SLC12A6: variants seen among roughly 807,000 people sequenced by gnomAD.
SLC12A6 encodes K-Cl cotransporter 3.
Under a neutral mutation model 135.3 loss-of-function variants are expected in SLC12A6, and 66 were observed. The observed-to-expected ratio is 0.49, with a 90% CI of 0.40 to 0.60. SLC12A6 has a LOEUF of 0.60. Among genes scored for constraint, SLC12A6 ranks in the 20% least tolerant of loss-of-function variants. The pLI is 0.00. For synonymous variants in SLC12A6, 513 were observed against 508.8 expected, an observed-to-expected ratio of 1.01 and a Z score of -0.11; for missense variants, 1,058 against 1,452.3, an observed-to-expected ratio of 0.73 and a Z score of 4.41.
At chr15:34,253,941 G>A (rs761892318) in intron 9 of SLC12A6, among the ~76,000 whole-genome samples, 1 of 152,240 alleles carries the variant, frequency 6.6e-6, no homozygotes, top group East Asian at 1.9e-4. Context: ...CCTAGGCTGG[G>A]CGCAGTGGCT....
intron 2 of SLC12A6, among the ~76,000 whole-genome samples, chr15:34,287,969 G>A (rs1895226427): frequency 1.3e-5 from 2 of 152,160 alleles, no homozygotes; most frequent in African/African-American, 4.8e-5. Flanking sequence ...CTGTGCAGAA[G>A]CTCTTTAGTT....
chr15:34,240,951 A>G (rs969260823), intron 18 of SLC12A6, 122 bp from the exon 19 acceptor site: 2 of 804,198 alleles, frequency 2.5e-6, no homozygotes, highest in African/African-American at 3.4e-5. Flanking sequence ...TGACAGAAGG[A>G]AGAGATCACA....
intron 2 of SLC12A6, among the ~76,000 whole-genome samples, chr15:34,291,213 A>C (rs1456129470): frequency 6.6e-6 from 1 of 152,146 alleles, no homozygotes; most frequent in Non-Finnish European, 1.5e-5. Flanking sequence ...CTTGTCTGTA[A>C]AGGATTTTAT....
In SLC12A6 at chr15:34,252,381, G is replaced by T; in HGVS notation, c.1122C>A (p.Val374=). The T allele has an allele frequency of 6.3e-7, 1 of 1,586,802 alleles. No individual in the cohort carries two copies. Among genetic ancestry groups the T allele is most frequent in the South Asian group, 1.1e-5 (1 of 90,540 alleles). ...AAAGGGTGCGGTTACCCAGCATGCA[G>T]ACCCTAAGTGAAAAGAAATAGGGAG... ...KSSFAPPHFP[V]CMLGNRTLSS... is the part of the protein sequence containing the mutation. Residue 374 remains valine, a synonymous_variant, in exon 10 of 26, where the codon GTC becomes GTA. Coordinates refer to ENST00000354181, the MANE Select transcript of SLC12A6 (RefSeq NM_001365088.1).
chr15:34,236,053 C>T lies in SLC12A6; in HGVS notation c.3189G>A (p.Lys1063=). The change falls in exon 24 of 26, where the codon AAG becomes AAA. Residue 1063 remains lysine (K), a synonymous_variant. Coordinates refer to ENST00000354181, the MANE Select transcript of SLC12A6 (RefSeq NM_001365088.1). ...GCAGGTCCTGGAATCCTTCCATTGA[C>T]TTCGCTTTTTGTCCCCGGGATGCCA... ...KYMASRGQKA[K]SMEGFQDLLN... 1 of 1,614,126 alleles carries T rather than the reference C, an allele frequency of 6.2e-7. No homozygotes were observed. Among genetic ancestry groups the T allele is most frequent in the Admixed American group, 1.7e-5 (1 of 60,016 alleles).
intron 2 of SLC12A6, among the ~76,000 whole-genome samples, chr15:34,333,932 T>C (rs980782096): frequency 1.3e-5 from 2 of 151,664 alleles, no homozygotes; most frequent in African/African-American, 4.8e-5. Flanking sequence ...TAGCCAGGTG[T>C]GGTGGTGCAT....
chr15:34,308,464 A>C (rs1887891845), intron 2 of SLC12A6, among the ~76,000 whole-genome samples: 1 of 152,008 alleles, frequency 6.6e-6, no homozygotes, highest in African/African-American at 2.4e-5. Flanking sequence ...GTCTCTACTA[A>C]GAATATGAAA....
chr15:34,326,407 T>C (rs1889459486), intron 2 of SLC12A6, among the ~76,000 whole-genome samples: 1 of 152,190 alleles, frequency 6.6e-6, no homozygotes, highest in Non-Finnish European at 1.5e-5. Context: ...AAGCAACATA[T>C]TGTTAAAACT....
chr15:34,242,310 G>T (rs1871218838), intron 16 of SLC12A6, 89 bp from the exon 17 acceptor site: 2 of 926,578 alleles, frequency 2.2e-6, no homozygotes, highest in Non-Finnish European at 1.7e-6. Context: ...CTGTGGTGAG[G>T]TATTATTTTT....
intron 2 of SLC12A6, among the ~76,000 whole-genome samples, chr15:34,328,659 G>C (rs1400504647): frequency 6.6e-6 from 1 of 152,126 alleles, no homozygotes. Flanking sequence ...TGGGCAGATC[G>C]CTTGAGCTCA....
intron 13 of SLC12A6, among the ~76,000 whole-genome samples, chr15:34,246,531 T>A (rs755588598): frequency 2.6e-5 from 4 of 152,208 alleles, no homozygotes; most frequent in African/African-American, 9.6e-5. Context: ...TTGAATAATA[T>A]TGCATCACAA....
At chr15:34,264,919 G>A (rs1443436867) in intron 3 of SLC12A6, among the ~76,000 whole-genome samples, 1 of 152,144 alleles carries the variant, frequency 6.6e-6, no homozygotes, top group East Asian at 1.9e-4. Flanking sequence ...AGCTTAGGCT[G>A]GGTGCAGTGG....
intron 2 of SLC12A6, among the ~76,000 whole-genome samples, chr15:34,290,602 G>A (rs1015713778): frequency 2.0e-5 from 3 of 152,108 alleles, no homozygotes; most frequent in South Asian, 2.1e-4. Flanking sequence ...GTTACTGTGT[G>A]GGAGTCTAAG....
intron 16 of SLC12A6, among the ~76,000 whole-genome samples, 179 bp from the exon 17 acceptor site, chr15:34,242,400 T>C (rs1319767171): frequency 2.6e-5 from 4 of 152,210 alleles, no homozygotes; most frequent in Admixed American, 2.6e-4. Flanking sequence ...ATCACATGCC[T>C]GGATGCTGTA....
chr15:34,332,774 C>T (rs947178916), intron 2 of SLC12A6, among the ~76,000 whole-genome samples: 2 of 149,214 alleles, frequency 1.3e-5, no homozygotes, highest in Non-Finnish European at 3.0e-5. Flanking sequence ...CAGCGCGAGA[C>T]TTTGCCTCAA....
rs565848152 is a variant in SLC12A6 at position 34,304,511 on chromosome 15, G to T, written c.272-29122C>A. 3.2e-4 allele frequency among the ~76,000 whole-genome samples: 49 copies of T among 152,338 alleles called. No individual in the cohort carries two copies. In the South Asian group the frequency reaches 7.2e-3, roughly 23 times the overall value. On this transcript the variant is annotated intron_variant, in intron 2 of 25. Coordinates refer to ENST00000354181, the MANE Select transcript of SLC12A6 (RefSeq NM_001365088.1). ...CTATTTTACATTGTCACTAGTAGCA[G>T]ATGAGAGTTTCAATACTTCACATCC... is the stretch of plus-strand genomic sequence containing the variant.
rs11382535 is a variant in SLC12A6 at position 34,251,097 on chromosome 15, G to GA, written c.1334-41dup. Reference sequence around the variant, plus strand: ...ATGGGAATTTAAGCAGCAGCAGTATGAAAAAAAAAAGATAATTAATTTTCT... The same window carrying GA: ...ATGGGAATTTAAGCAGCAGCAGTATGAAAAAAAAAAAGATAATTAATTTTCT... On this transcript the variant is annotated intron_variant, in intron 10 of 25. Transcript: ENST00000354181. 769,665 of 956,434 alleles carry GA rather than the reference G, an allele frequency of 0.8. 292,863 individuals carry two copies. Among genetic ancestry groups the GA allele is most frequent in the African/African-American group, 0.85 (51,709 of 60,928 alleles). 59.2% of individuals were successfully genotyped at this position (956,434 alleles called of 1,614,324 possible).
At chr15:34,271,337 G>C (rs1893921120) in intron 3 of SLC12A6, among the ~76,000 whole-genome samples, 1 of 151,192 alleles carries the variant, frequency 6.6e-6, no homozygotes, top group Non-Finnish European at 1.5e-5. Context: ...ATTTCGTTCA[G>C]GATTGTAGAT....
chr15:34,296,986 T>C (rs1895918958), intron 2 of SLC12A6, among the ~76,000 whole-genome samples: 1 of 152,212 alleles, frequency 6.6e-6, no homozygotes, highest in Admixed American at 6.5e-5. Context: ...ACTACAAATG[T>C]TTATTAAGTT....
Sources: gnomAD v4.1 joint callset for allele counts (sites outside exome capture counted in the v4.1 genomes callset) on GRCh38, gnomAD v4.1.1 for gene constraint, MANE v1.5 for transcripts, NCBI Gene and HGNC (gene_info 2026-07-23, HGNC 2026-07-21) for gene names.